The following DDHD2 variants were observed in gnomAD, a reference collection of about 807,000 sequenced individuals.
DDHD2 encodes triacylglycerol hydrolase DDHD2.
Under a neutral mutation model 91.2 loss-of-function variants are expected in DDHD2, and 62 were observed. That is an observed-to-expected ratio of 0.68 (90% CI 0.55 to 0.84). DDHD2 has a LOEUF of 0.84. DDHD2 is among the 40% of genes least tolerant of loss of function. The probability of loss-of-function intolerance (pLI) is 0.00; values close to 1 mark genes in which losing one functional copy is unlikely to be tolerated. For missense variants in DDHD2, 740 were observed against 846.9 expected, an observed-to-expected ratio of 0.87 and a Z score of 1.57; for synonymous variants, 271 against 293.9, an observed-to-expected ratio of 0.92 and a Z score of 0.80.
At chr8:38,252,534 T>C (rs1416213415) in intron 13 of DDHD2, among the ~76,000 whole-genome samples, 188 bp from the exon 14 acceptor site, 4 of 151,658 alleles carry the variant, frequency 2.6e-5, no homozygotes, top group African/African-American at 4.8e-5. Context: ...CCCAGCACTT[T>C]GGGAGGTCAA....
At chr8:38,244,711 C>T (rs989938281) in intron 7 of DDHD2, among the ~76,000 whole-genome samples, 4 of 151,918 alleles carry the variant, frequency 2.6e-5, no homozygotes, top group Admixed American at 2.0e-4. Context: ...GGTAAAGGTG[C>T]ACATCACCAC....
chr8:38,264,871 T>C (rs1400762290), downstream of DDHD2: 6 of 1,610,516 alleles, frequency 3.7e-6, no homozygotes, highest in Admixed American at 6.8e-5. Context: ...TGTACTAAAT[T>C]AGAATTTTTC....
chr8:38,248,087 G>A (rs1183839368), intron 10 of DDHD2, among the ~76,000 whole-genome samples: 1 of 152,198 alleles, frequency 6.6e-6, no homozygotes, highest in East Asian at 1.9e-4. Context: ...GAAAACATGA[G>A]TGCAAGAACA....
rs1297879230 is a variant in DDHD2, at chr8:38,261,754, T to G, written c.*1181T>G. On this transcript the variant is annotated 3_prime_UTR_variant, in exon 18 of 18. Coordinates refer to ENST00000397166, the MANE Select transcript of DDHD2 (RefSeq NM_015214.3). Reference sequence around the variant, plus strand: ...AAGAACACAAGTGACTGCACACTAATTTTGTCAAGGCATCTTTTCACTACT... The same window carrying G: ...AAGAACACAAGTGACTGCACACTAAGTTTGTCAAGGCATCTTTTCACTACT... 6.6e-6 allele frequency: 1 copy of G among 152,190 alleles called. No individual in the cohort carries two copies. The highest frequency in any genetic ancestry group is 1.5e-5 in the Non-Finnish European group (1 of 68,034). The allele number at this position is 152,190 out of a possible 1,614,324, so 9.4% of individuals were successfully genotyped here. A position where few individuals can be genotyped will look rare whatever the true frequency, so the allele number is the denominator to read the frequency against.
chr8:38,240,172 T>C (rs1805142137), intron 5 of DDHD2, 103 bp from the exon 6 acceptor site: 2 of 553,628 alleles, frequency 3.6e-6, no homozygotes, highest in Admixed American at 3.0e-5. Flanking sequence ...AAATTATCTG[T>C]TCATCTTTTA....
At chr8:38,267,549 C>CCTAA, downstream of DDHD2, 1 of 838,812 alleles carries the variant, frequency 1.2e-6, no homozygotes, top group Non-Finnish European at 1.8e-6. Flanking sequence ...AAGAGAAAAG[C>CCTAA]CTTTCAAGGT....
In DDHD2 at chr8:38,252,216, C is replaced by T. The variant is rs373856119; in HGVS notation, c.1546C>T (p.Arg516Ter). The T allele has an allele frequency of 1.2e-5, 20 of 1,613,934 alleles. No individual in the cohort carries two copies. The highest frequency in any genetic ancestry group is 2.2e-5 in the East Asian group (1 of 44,884). The change falls in exon 13 of 18, where the codon CGA becomes TGA. Residue 516 changes from arginine to a stop codon, truncating the protein, a stop_gained. Transcript: ENST00000397166. LOFTEE classifies it high-confidence loss of function. ...GSPIGMFLTV[R>*]GLKRIDPNYR... Reference sequence around the variant, plus strand: ...TCCCATTGGAATGTTCCTTACTGTCCGAGGACTAAAAAGAATTGATCCCAA... The same window carrying T: ...TCCCATTGGAATGTTCCTTACTGTCTGAGGACTAAAAAGAATTGATCCCAA...
intron 7 of DDHD2, among the ~76,000 whole-genome samples, chr8:38,242,729 G>A (rs756126996): frequency 1.3e-5 from 2 of 152,010 alleles, no homozygotes; most frequent in Non-Finnish European, 2.9e-5. Context: ...GTATTTTGTT[G>A]TTCCTTTTGT....
downstream of DDHD2, chr8:38,266,964 C>T: frequency 1.9e-6 from 2 of 1,065,836 alleles, no homozygotes; most frequent in Non-Finnish European, 1.2e-6. Flanking sequence ...CTTCAAAGTA[C>T]CTGACACATA....
chr8:38,264,196 G>T, downstream of DDHD2: 1 of 980,032 alleles, frequency 1.0e-6, no homozygotes, highest in Non-Finnish European at 1.3e-6. Flanking sequence ...TGCCTAGGCT[G>T]GAGTGCAGTG....
rs779097636 is a variant in DDHD2, at chr8:38,252,161, T to C, written c.1491T>C (p.Tyr497=). ...CTGTGAAATACCCCCGGCTCATCTA[T>C]AAACCAGAGATATTCTTTGCCTTTG... ...QVSVKYPRLI[Y]KPEIFFAFGS... Residue 497 remains tyrosine, a synonymous_variant, in exon 13 of 18, where the codon TAT becomes TAC. Coordinates refer to ENST00000397166, the MANE Select transcript of DDHD2 (RefSeq NM_015214.3). The C allele has an allele frequency of 1.2e-6, 2 of 1,614,162 alleles. No homozygotes were observed. Among genetic ancestry groups the C allele is most frequent in the South Asian group, 2.2e-5 (2 of 91,060 alleles).
intron 1 of DDHD2, chr8:38,269,303 G>C (rs904036245): frequency 1.1e-5 from 13 of 1,202,906 alleles, no homozygotes; most frequent in African/African-American, 1.6e-5. Flanking sequence ...CCCGCGCTCC[G>C]GCGGCTCCCC....
downstream of DDHD2, chr8:38,263,276 C>A: frequency 2.0e-6 from 1 of 506,512 alleles, no homozygotes; most frequent in Non-Finnish European, 2.5e-6. Flanking sequence ...CTGATGACAT[C>A]CCATAATTGT....
At position 38,260,928 on chromosome 8, in the gene DDHD2, G is replaced by A. The variant is rs559121065; in HGVS notation, c.*355G>A. 3 of 152,230 alleles carry A rather than the reference G, an allele frequency of 2.0e-5. No individual in the cohort carries two copies. Among genetic ancestry groups the A allele is most frequent in the Admixed American group, 2.0e-4 (3 of 15,296 alleles). The allele number at this position is 152,230 out of a possible 1,614,324, so 9.4% of individuals were successfully genotyped here. On this transcript the variant is annotated 3_prime_UTR_variant, in exon 18 of 18. Coordinates refer to ENST00000397166, the MANE Select transcript of DDHD2 (RefSeq NM_015214.3). The stretch of plus-strand genomic sequence containing the variant: ...CTATTTTGGGTTTGATTTGTTTTGG[G>A]TGGGGTAGACATGTTTTTAAGGAAC...
In DDHD2 at chr8:38,249,795, A is replaced by T. The variant is rs1333356650; in HGVS notation, c.1336A>T (p.Asn446Tyr). Residue 446 changes from asparagine (N) to tyrosine (Y), a missense_variant, in exon 11 of 18, where the codon AAC becomes TAC. Asn to Tyr is a moderately radical substitution (Grantham distance 143). Transcript: ENST00000397166. ...ATTAAACTATTTCAGCACCAGAAAA[A>T]ACTCAATGGTATGTGCCTAATACAG... Reference protein sequence around the residue: ...KILNYFSTRKNSMGIKRPAPQ... With the variant: ...KILNYFSTRKYSMGIKRPAPQ... 1 of 1,603,082 alleles carries T rather than the reference A, an allele frequency of 6.2e-7. No individual in the cohort carries two copies. Among genetic ancestry groups the T allele is most frequent in the African/African-American group, 1.3e-5 (1 of 74,764 alleles).
In DDHD2 at chr8:38,247,806, G is replaced by C. The variant is rs767990576; in HGVS notation, c.1219G>C (p.Glu407Gln). The change falls in exon 10 of 18, where the codon GAG (glutamate) becomes CAG (glutamine). Residue 407 changes from glutamate (E) to glutamine (Q), a missense_variant. Physicochemically the swap from Glu to Gln is conservative, Grantham distance 29. Transcript: ENST00000397166. Reference protein sequence around the residue: ...LQLSEFFDIFEKEKVDKEALA... With the variant: ...LQLSEFFDIFQKEKVDKEALA... ...GCTCTCTGAATTCTTTGATATCTTT[G>C]AGAAGGAGAAAGTAGATAAGGAAGC... The C allele has an allele frequency of 3.2e-6, 5 of 1,580,192 alleles. No individual in the cohort carries two copies. The South Asian group carries it at 4.7e-5, about 15-fold the overall frequency.
At chr8:38,250,058 A>T in intron 11 of DDHD2, 1 of 201,624 alleles carries the variant, frequency 5.0e-6, no homozygotes, top group South Asian at 9.6e-5. Flanking sequence ...CTGGGACTAC[A>T]GGCGCCCACC....
At chr8:38,247,981 C>A in intron 10 of DDHD2, 146 bp downstream of exon 10, 1 of 648,042 alleles carries the variant, frequency 1.5e-6, no homozygotes, top group Non-Finnish European at 2.4e-6. Flanking sequence ...TGCTTTTTAT[C>A]ATATCAAGTG....
chr8:38,242,140 G>T, intron 6 of DDHD2, 110 bp from the exon 7 acceptor site: 1 of 821,214 alleles, frequency 1.2e-6, no homozygotes, highest in Non-Finnish European at 1.9e-6. Context: ...ACGGAAGTCA[G>T]TATGTGTTCT....
Sources: gnomAD v4.1 joint callset for allele counts (sites outside exome capture counted in the v4.1 genomes callset) on GRCh38, gnomAD v4.1.1 for gene constraint, MANE v1.5 for transcripts, NCBI Gene and HGNC (gene_info 2026-07-23, HGNC 2026-07-21) for gene names.